Variants in DLGAP2 observed in about 807,000 individuals in gnomAD.
DLGAP2 encodes disks large-associated protein 2.
DLGAP2 carries 26 observed loss-of-function variants against 100.3 expected under a neutral mutation model. That is an observed-to-expected ratio of 0.26 (90% CI 0.19 to 0.36). DLGAP2 has a LOEUF of 0.36. Among genes scored for constraint, DLGAP2 ranks in the 10% least tolerant of loss-of-function variants. DLGAP2 has a pLI of 1.00. For synonymous variants in DLGAP2, 886 were observed against 630.1 expected (o/e 1.41, Z -6.08); for missense variants, 1,858 against 1,453.2 (o/e 1.28, Z -4.53).
At chr8:877,506 G>A (rs1030350913) in intron 1 of DLGAP2, among the ~76,000 whole-genome samples, 32 of 152,316 alleles carry the variant, frequency 2.1e-4, no homozygotes, top group South Asian at 1.2e-3. Context: ...GCTATTAAAC[G>A]CCACTAATTG....
intron 3 of DLGAP2, among the ~76,000 whole-genome samples, chr8:1,293,516 C>T (rs1800105603): frequency 6.6e-6 from 1 of 152,202 alleles, no homozygotes; most frequent in African/African-American, 2.4e-5. Flanking sequence ...GGAGATTTTC[C>T]CATTATCTTC....
intron 3 of DLGAP2, among the ~76,000 whole-genome samples, chr8:1,367,339 A>C (rs1039797990): frequency 6.6e-6 from 1 of 152,164 alleles, no homozygotes; most frequent in Non-Finnish European, 1.5e-5. Context: ...TCTCCTTTTC[A>C]TCTCAAACCT....
intron 2 of DLGAP2, among the ~76,000 whole-genome samples, chr8:1,129,235 C>A (rs536794664): frequency 6.6e-6 from 1 of 152,064 alleles, no homozygotes; most frequent in East Asian, 1.9e-4. Context: ...GAAAACCCGT[C>A]TCTAGTAAAT....
In DLGAP2 at chr8:1,702,359, C is replaced by A. The variant is rs1346557131; in HGVS notation, c.*953C>A. 1.5e-5 allele frequency: 2 copies of A among 132,602 alleles called. No individual in the cohort carries two copies. Among genetic ancestry groups the A allele is most frequent in the African/African-American group, 5.3e-5 (2 of 37,974 alleles). 8.2% of individuals were successfully genotyped at this position (132,602 alleles called of 1,614,324 possible). The stretch of plus-strand genomic sequence containing the variant: ...TCTATCAGCTGACTTTTCAGGGTAT[C>A]CTTAAAAAAAAACACACACGAAAAA... On this transcript the variant is annotated 3_prime_UTR_variant, in exon 15 of 15. Transcript: ENST00000637795.
chr8:1,678,521 A>G lies in DLGAP2; in HGVS notation c.2596A>G (p.Arg866Gly). 2.5e-6 allele frequency: 4 copies of G among 1,606,976 alleles called. No individual in the cohort carries two copies. The highest frequency in any genetic ancestry group is 3.4e-6 in the Non-Finnish European group (4 of 1,176,700). Residue 866 changes from arginine (R) to glycine (G), a missense_variant, in exon 12 of 15, where the codon AGG becomes GGG. Arg to Gly is a moderately radical substitution (Grantham distance 125). Coordinates refer to ENST00000637795, the MANE Select transcript of DLGAP2 (RefSeq NM_001346810.2). ...GACTGGGAGGATGTCTCCGTGCCGC[A>G]GGGATGGCTCGTGGTTTTTGAAGCT... The part of the protein sequence containing the change: ...VETGRMSPCR[R>G]DGSWFLKLLH...
intron 3 of DLGAP2, among the ~76,000 whole-genome samples, chr8:1,373,342 C>A (rs1168438122): frequency 6.6e-6 from 1 of 151,808 alleles, no homozygotes; most frequent in Non-Finnish European, 1.5e-5. Context: ...CCGGAGGCGC[C>A]GCGCCTGGAC....
intron 1 of DLGAP2, among the ~76,000 whole-genome samples, chr8:889,656 C>A (rs1797994456): frequency 6.6e-6 from 1 of 152,198 alleles, no homozygotes; most frequent in African/African-American, 2.4e-5. Flanking sequence ...GGGAAGAGCG[C>A]AGCCTGGAGC....
chr8:1,519,052 A>G (rs536073630), intron 4 of DLGAP2, among the ~76,000 whole-genome samples: 2 of 152,268 alleles, frequency 1.3e-5, no homozygotes, highest in African/African-American at 4.8e-5. Flanking sequence ...CACAGATAGG[A>G]GCCTGTGGTC....
At chr8:1,493,260 C>A (rs1203255927) in intron 3 of DLGAP2, among the ~76,000 whole-genome samples, 2 of 152,202 alleles carry the variant, frequency 1.3e-5, no homozygotes, top group African/African-American at 4.8e-5. Flanking sequence ...GCTTTCATCT[C>A]CGCAGCTCTG....
chr8:1,143,743 C>T (rs907698760), intron 2 of DLGAP2, among the ~76,000 whole-genome samples: 1 of 152,204 alleles, frequency 6.6e-6, no homozygotes, highest in Non-Finnish European at 1.5e-5. Flanking sequence ...GTTCTCTGTT[C>T]TTTCAAACCC....
chr8:1,265,452 C>T (rs979200786), intron 3 of DLGAP2, among the ~76,000 whole-genome samples: 2 of 151,972 alleles, frequency 1.3e-5, no homozygotes, highest in South Asian at 2.1e-4. Context: ...AATCAAGTTG[C>T]GTGGAAGATG....
chr8:1,495,575 G>A lies in DLGAP2; in HGVS notation c.107-5791G>A, dbSNP rs1252978729. On this transcript the variant is annotated intron_variant, in intron 3 of 14. Transcript: ENST00000637795. ...GGTGTGCTGAGACCACAGTGTGCTCGGGTCACAGTGGTGATTGAAACGTTT... is the reference window on the plus strand; with the variant it reads ...GGTGTGCTGAGACCACAGTGTGCTCAGGTCACAGTGGTGATTGAAACGTTT... Among the ~76,000 whole-genome samples the A allele has an allele frequency of 7.9e-5, 12 of 152,208 alleles. No individual in the cohort carries two copies. In the East Asian group the frequency reaches 1.3e-3, roughly 17 times the overall value.
In DLGAP2 at chr8:1,213,418, T is replaced by C. The variant is rs971194907; in HGVS notation, c.74-45433T>C. Among the ~76,000 whole-genome samples the C allele has an allele frequency of 2.6e-5, 4 of 152,230 alleles. No individual in the cohort carries two copies. The South Asian group carries it at 8.3e-4, about 32-fold the overall frequency. ...CTCTATTAATTTATGGCAATAAATATTGATTTCCTAATATTACATCATCCT... is the reference window on the plus strand; with the variant it reads ...CTCTATTAATTTATGGCAATAAATACTGATTTCCTAATATTACATCATCCT... On this transcript the variant is annotated intron_variant, in intron 2 of 14. Transcript: ENST00000637795.
chr8:872,758 C>A (rs999727797), intron 1 of DLGAP2, among the ~76,000 whole-genome samples: 19 of 152,176 alleles, frequency 1.2e-4, no homozygotes, highest in Non-Finnish European at 2.6e-4. Flanking sequence ...TCACCACAGT[C>A]AATTTCAGAA....
chr8:846,614 C>A lies in DLGAP2; in HGVS notation c.19-61298C>A, dbSNP rs144057716. 4.9e-3 allele frequency among the ~76,000 whole-genome samples: 749 copies of A among 152,310 alleles called. 5 individuals carry two copies. The highest frequency in any genetic ancestry group is 7.0e-3 in the Non-Finnish European group (478 of 68,028). ...AGTGAACATGATAGTGCAGAGATCT[C>A]TTTGACACTAACTTTATTTCCTTTT... On this transcript the variant is annotated intron_variant, in intron 1 of 14. Coordinates refer to ENST00000637795, the MANE Select transcript of DLGAP2 (RefSeq NM_001346810.2).
At chr8:811,204 A>G (rs1305871437) in intron 1 of DLGAP2, among the ~76,000 whole-genome samples, 2 of 152,262 alleles carry the variant, frequency 1.3e-5, no homozygotes, top group East Asian at 3.9e-4. Flanking sequence ...GAAACCGGAG[A>G]AGGGGCTTCT....
intron 1 of DLGAP2, among the ~76,000 whole-genome samples, chr8:802,685 C>A (rs1309975899): frequency 6.6e-6 from 1 of 152,104 alleles, no homozygotes; most frequent in Non-Finnish European, 1.5e-5. Context: ...GATCGCCGCC[C>A]TGCATGGAAT....
chr8:1,155,492 G>A (rs574121048), intron 2 of DLGAP2, among the ~76,000 whole-genome samples: 21 of 152,262 alleles, frequency 1.4e-4, no homozygotes, highest in African/African-American at 4.3e-4. Context: ...ATCTTGGAGG[G>A]AACTTTTCTA....
chr8:1,684,574 TTGAA>T (rs1456061037), intron 12 of DLGAP2, among the ~76,000 whole-genome samples: 8 of 152,142 alleles, frequency 5.3e-5, no homozygotes, highest in Non-Finnish European at 1.0e-4. Flanking sequence ...CCCGAACTGA[TTGAA>T]TGAATCTAGA....
Sources: gnomAD v4.1 joint callset for allele counts (sites outside exome capture counted in the v4.1 genomes callset) on GRCh38, gnomAD v4.1.1 for gene constraint, MANE v1.5 for transcripts, NCBI Gene and HGNC (gene_info 2026-07-23, HGNC 2026-07-21) for gene names.